Variants in PDS5B observed in about 807,000 individuals in gnomAD.
PDS5B encodes sister chromatid cohesion protein PDS5 homolog B.
A neutral mutation model predicts 184.1 loss-of-function variants in PDS5B; 51 were observed. That is an observed-to-expected ratio of 0.28 (90% CI 0.22 to 0.35). PDS5B has a LOEUF of 0.35. Among genes scored for constraint, PDS5B ranks in the 10% least tolerant of loss-of-function variants. The probability of loss-of-function intolerance (pLI) is 1.00; values close to 1 mark genes in which losing one functional copy is unlikely to be tolerated. For missense variants in PDS5B, 1,180 were observed against 1,723.3 expected (o/e 0.68, Z 5.58); for synonymous variants, 566 against 569.2 (o/e 0.99, Z 0.08).
intron 1 of PDS5B, among the ~76,000 whole-genome samples, chr13:32,602,365 G>C (rs1452654502): frequency 6.6e-6 from 1 of 152,102 alleles, no homozygotes; most frequent in Non-Finnish European, 1.5e-5. Context: ...TTCTGGCCTT[G>C]CAATAGTTTG....
At chr13:32,586,784 G>A (rs1339690392) in intron 1 of PDS5B, among the ~76,000 whole-genome samples, 191 bp downstream of exon 1, 1 of 147,388 alleles carries the variant, frequency 6.8e-6, no homozygotes, top group African/African-American at 2.4e-5. Context: ...GCGGTGGCCC[G>A]GGGCGGGGGT....
chr13:32,630,023 G>A (rs752320096), intron 1 of PDS5B, among the ~76,000 whole-genome samples: 16 of 152,342 alleles, frequency 1.1e-4, no homozygotes, highest in Non-Finnish European at 2.2e-4. Flanking sequence ...GAAAGTGAAT[G>A]TAGGGGCCAA....
chr13:32,735,700 A>G (rs1953306611), intron 21 of PDS5B, among the ~76,000 whole-genome samples: 2 of 152,132 alleles, frequency 1.3e-5, no homozygotes, highest in South Asian at 4.1e-4. Flanking sequence ...TTTCTATATA[A>G]ACTTGTTCTT....
chr13:32,625,226 C>T (rs1044143234), intron 1 of PDS5B, among the ~76,000 whole-genome samples: 1 of 152,076 alleles, frequency 6.6e-6, no homozygotes, highest in Non-Finnish European at 1.5e-5. Flanking sequence ...AAGCGATCCT[C>T]CCACCTGAGC....
chr13:32,765,792 G>T (rs1361226357), intron 31 of PDS5B, among the ~76,000 whole-genome samples: 1 of 152,180 alleles, frequency 6.6e-6, no homozygotes, highest in Non-Finnish European at 1.5e-5. Flanking sequence ...TTTAAAGGCG[G>T]GGTTTCACCA....
intron 1 of PDS5B, among the ~76,000 whole-genome samples, chr13:32,642,426 A>G (rs1228553846): frequency 6.6e-6 from 1 of 152,200 alleles, no homozygotes; most frequent in African/African-American, 2.4e-5. Flanking sequence ...TAATTGTAGT[A>G]GGTTCAAAGT....
chr13:32,747,439 T>A (rs1953793314), intron 24 of PDS5B, among the ~76,000 whole-genome samples: 1 of 152,168 alleles, frequency 6.6e-6, no homozygotes, highest in Non-Finnish European at 1.5e-5. Flanking sequence ...TTGTCAAGAC[T>A]GGTACTTCAG....
chr13:32,656,273 CTTTTTTTTT>C (rs71071057), intron 3 of PDS5B, among the ~76,000 whole-genome samples: 3 of 96,790 alleles, frequency 3.1e-5, no homozygotes, highest in South Asian at 7.5e-4. Context: ...TCTCCAGCTT[CTTTTTTTTT>C]TTTTTTTTTT....
rs1389288992 is a variant in PDS5B at position 32,773,175 on chromosome 13, G to A, written c.4173-14G>A. On this transcript the variant is annotated splice_polypyrimidine_tract_variant and intron_variant, in intron 33 of 34. Transcript: ENST00000315596. ...TTGGAACGTTCATTGTGTTTTACAT[G>A]TGTTTTACTCTAGCCGTGTAGGACG... 3.2e-6 allele frequency: 5 copies of A among 1,582,504 alleles called. No homozygotes were observed. Among genetic ancestry groups the A allele is most frequent in the Non-Finnish European group, 3.4e-6 (4 of 1,168,712 alleles).
chr13:32,707,967 A>G (rs1336240614), intron 18 of PDS5B, among the ~76,000 whole-genome samples: 1 of 151,768 alleles, frequency 6.6e-6, no homozygotes, highest in Non-Finnish European at 1.5e-5. Context: ...ATGCCCACCA[A>G]TGTGCCTTGT....
At position 32,647,643 on chromosome 13, in the gene PDS5B, A is replaced by G. The variant is rs548996429; in HGVS notation, c.-19-1111A>G. 5.9e-5 allele frequency among the ~76,000 whole-genome samples: 9 copies of G among 151,856 alleles called. No homozygotes were observed. In the East Asian group the frequency reaches 1.4e-3, roughly 23 times the overall value. On this transcript the variant is annotated intron_variant, in intron 1 of 34. Transcript: ENST00000315596. ...TTGAATTTTCAATTTCAGTAATTGT[A>G]TTTTTTCATTTTTAGAAGTTCTATT...
intron 19 of PDS5B, among the ~76,000 whole-genome samples, chr13:32,725,915 T>C (rs1232819716): frequency 2.0e-5 from 3 of 152,162 alleles, no homozygotes; most frequent in African/African-American, 7.2e-5. Flanking sequence ...CAAATTCCCA[T>C]TTTAAAGTTA....
intron 24 of PDS5B, among the ~76,000 whole-genome samples, chr13:32,748,560 G>A (rs545089229): frequency 6.7e-6 from 1 of 149,758 alleles, no homozygotes; most frequent in South Asian, 2.1e-4. Context: ...CATCATCTAT[G>A]TAAGTGACTA....
intron 1 of PDS5B, among the ~76,000 whole-genome samples, chr13:32,600,968 C>T (rs987701958): frequency 6.6e-6 from 1 of 152,162 alleles, no homozygotes; most frequent in Non-Finnish European, 1.5e-5. Flanking sequence ...TGAGGCTTCC[C>T]TACCGTAGCT....
chr13:32,733,590 G>A (rs899633129), intron 20 of PDS5B, among the ~76,000 whole-genome samples: 1 of 151,998 alleles, frequency 6.6e-6, no homozygotes, highest in East Asian at 1.9e-4. Context: ...TAATTTGTTG[G>A]GAAAGAACAG....
At chr13:32,745,315 T>C (rs1344664734) in intron 23 of PDS5B, among the ~76,000 whole-genome samples, 1 of 152,228 alleles carries the variant, frequency 6.6e-6, no homozygotes, top group East Asian at 1.9e-4. Flanking sequence ...TAGTAGAATA[T>C]GTAAAACCTA....
At chr13:32,593,900 G>GA (rs754480905) in intron 1 of PDS5B, among the ~76,000 whole-genome samples, 3 of 151,998 alleles carry the variant, frequency 2.0e-5, no homozygotes, top group East Asian at 3.9e-4. Flanking sequence ...AACTTTTACT[G>GA]AAAAAAATCC....
At chr13:32,590,172 A>G (rs1341491445) in intron 1 of PDS5B, among the ~76,000 whole-genome samples, 1 of 152,262 alleles carries the variant, frequency 6.6e-6, no homozygotes, top group South Asian at 2.1e-4. Context: ...TATGTAAAAC[A>G]TAAAAGCTAA....
chr13:32,653,192 G>A (rs1266131675), intron 3 of PDS5B, among the ~76,000 whole-genome samples: 1 of 152,082 alleles, frequency 6.6e-6, no homozygotes, highest in Non-Finnish European at 1.5e-5. Flanking sequence ...TACTGTGGAG[G>A]CTGAGACAGG....
Sources: allele counts gnomAD v4.1 joint callset (sites outside exome capture counted in the v4.1 genomes callset), GRCh38; gene constraint gnomAD v4.1.1; transcripts MANE v1.5; gene names NCBI Gene and HGNC (gene_info 2026-07-23, HGNC 2026-07-21).